PPFIBP2: variants seen among roughly 807,000 people sequenced by gnomAD.
PPFIBP2 encodes the protein liprin-beta-2.
Under a neutral mutation model 118.3 loss-of-function variants are expected in PPFIBP2, and 118 were observed. The observed-to-expected ratio is 1.00, with a 90% confidence interval of 0.86 to 1.16. The LOEUF is 1.16. PPFIBP2 is among the 50% of genes most tolerant of loss of function. PPFIBP2 has a pLI of 0.00. For synonymous variants in PPFIBP2, 414 were observed against 397.4 expected (o/e 1.04, Z -0.50); for missense variants, 1,195 against 1,073.1 (o/e 1.11, Z -1.59).
chr11:7,542,131 TTC>T (rs1402519010), intron 1 of PPFIBP2, among the ~76,000 whole-genome samples: 2 of 152,220 alleles, frequency 1.3e-5, no homozygotes, highest in Non-Finnish European at 2.9e-5. Flanking sequence ...CCAAATGGGT[TTC>T]TGTCTCAGGA....
intron 5 of PPFIBP2, among the ~76,000 whole-genome samples, chr11:7,599,656 A>C (rs1004250562): frequency 7.8e-6 from 1 of 128,056 alleles, no homozygotes. Flanking sequence ...TTTGAGACGG[A>C]GTCTTTCTCA....
Position 7,597,316 on chromosome 11 carries a change from T to C in PPFIBP2, c.373-244T>C, listed in dbSNP as rs1311472519. The C allele has an allele frequency of 3.9e-6, 6 of 1,535,490 alleles. No individual in the cohort carries two copies. In the African/African-American group the frequency reaches 6.8e-5, roughly 18 times the overall value. ...GTTGGGTGTTTTACTCTTGAGTCTA[T>C]CAAGAGCAGTAAACGTGACCCATGT... On this transcript the variant is annotated intron_variant, in intron 4 of 23. Coordinates refer to ENST00000299492, the MANE Select transcript of PPFIBP2 (RefSeq NM_003621.5).
chr11:7,524,055 G>A (rs893515430), intron 1 of PPFIBP2, among the ~76,000 whole-genome samples: 4 of 152,238 alleles, frequency 2.6e-5, no homozygotes, highest in East Asian at 1.9e-4. Context: ...TGCTTCTGGC[G>A]AAAGGTTCAG....
At position 7,651,814 on chromosome 11, in the gene PPFIBP2, C is replaced by T. The variant is rs1214709682; in HGVS notation, c.2406C>T (p.Tyr802=). 2 of 1,613,628 alleles carry T rather than the reference C, an allele frequency of 1.2e-6. No individual in the cohort carries two copies. Among genetic ancestry groups the T allele is most frequent in the Non-Finnish European group, 1.7e-6 (2 of 1,179,600 alleles). Residue 802 remains tyrosine, a synonymous_variant, in exon 23 of 24, where the codon TAC becomes TAT. Coordinates refer to ENST00000299492, the MANE Select transcript of PPFIBP2 (RefSeq NM_003621.5). ...EKREKMASPA[Y]TPLTTTAKVR... is the part of the protein sequence containing the mutation. Reference sequence around the variant, plus strand: ...GAGAGAAAATGGCCTCACCAGCTTACACACCACTGACCACCACAGCCAAAG... The same window carrying T: ...GAGAGAAAATGGCCTCACCAGCTTATACACCACTGACCACCACAGCCAAAG...
intron 1 of PPFIBP2, among the ~76,000 whole-genome samples, chr11:7,541,307 G>A (rs973313383): frequency 4.6e-5 from 7 of 152,298 alleles, no homozygotes; most frequent in East Asian, 3.9e-4. Context: ...GAATGGGGAG[G>A]GCTGTTCGGA....
chr11:7,569,747 C>T (rs2134781520), intron 3 of PPFIBP2, among the ~76,000 whole-genome samples: 1 of 152,282 alleles, frequency 6.6e-6, no homozygotes, highest in East Asian at 1.9e-4. Flanking sequence ...CAGCCAAGCT[C>T]AGGGTCAGTG....
chr11:7,645,035 A>ACG (rs1565117290), intron 17 of PPFIBP2, among the ~76,000 whole-genome samples: 64 of 98,092 alleles, frequency 6.5e-4, no homozygotes, highest in Non-Finnish European at 1.3e-4. Context: ...TCAAAAAAAA[A>ACG]AAAAAAAAAA....
At chr11:7,657,801 G>A (rs1359197791), downstream of PPFIBP2, among the ~76,000 whole-genome samples, 2 of 152,190 alleles carry the variant, frequency 1.3e-5, no homozygotes, top group African/African-American at 4.8e-5. Flanking sequence ...CTCCCACAGT[G>A]CCGTGTCTGC....
intron 1 of PPFIBP2, among the ~76,000 whole-genome samples, chr11:7,525,826 G>C (rs114697869): frequency 0.011 from 1,721 of 152,274 alleles, 26 homozygotes; most frequent in African/African-American, 0.039. Context: ...CATTGGCTGA[G>C]ACTGGCCACA....
intron 2 of PPFIBP2, among the ~76,000 whole-genome samples, chr11:7,563,464 A>G (rs1399831548): frequency 6.6e-6 from 1 of 152,218 alleles, no homozygotes; most frequent in African/African-American, 2.4e-5. Flanking sequence ...ATGGTGATCC[A>G]TGATTCCCTG....
chr11:7,577,823 T>C (rs2134946746), intron 3 of PPFIBP2, among the ~76,000 whole-genome samples: 1 of 152,280 alleles, frequency 6.6e-6, no homozygotes, highest in African/African-American at 2.4e-5. Context: ...GTCAGCTGTC[T>C]TTGTTTCTCC....
intron 1 of PPFIBP2, among the ~76,000 whole-genome samples, chr11:7,546,943 CTGATT>C (rs1852392702): frequency 1.3e-5 from 2 of 152,230 alleles, no homozygotes; most frequent in Admixed American, 6.5e-5. Flanking sequence ...GATACTAGGT[CTGATT>C]TATCAGTATC....
chr11:7,579,600 G>C (rs1024748907), intron 3 of PPFIBP2, among the ~76,000 whole-genome samples: 2 of 152,214 alleles, frequency 1.3e-5, no homozygotes, highest in African/African-American at 2.4e-5. Flanking sequence ...CCTTGTCCCA[G>C]CCCCTGGGGC....
At chr11:7,597,790 G>A in intron 5 of PPFIBP2, 117 bp downstream of exon 5, 2 of 845,078 alleles carry the variant, frequency 2.4e-6, no homozygotes, top group Non-Finnish European at 1.9e-6. Context: ...CTGGGGGCGG[G>A]ATTGGCTGCT....
chr11:7,665,831 G>A, the PPFIBP2 span: 17 of 1,533,854 alleles, frequency 1.1e-5, no homozygotes, highest in East Asian at 2.7e-4. Flanking sequence ...GTATACCGAG[G>A]TGTGTGAATC....
intron 1 of PPFIBP2, among the ~76,000 whole-genome samples, chr11:7,516,066 A>T (rs1372322866): frequency 6.6e-6 from 1 of 152,258 alleles, no homozygotes; most frequent in East Asian, 1.9e-4. Flanking sequence ...GCTATGCCTC[A>T]TAATCGCCTG....
intron 6 of PPFIBP2, among the ~76,000 whole-genome samples, chr11:7,613,846 C>G (rs1016488985): frequency 3.9e-5 from 6 of 152,220 alleles, no homozygotes; most frequent in African/African-American, 1.4e-4. Flanking sequence ...GAGCAGGGAC[C>G]CCAGATATGC....
chr11:7,612,605 A>AT (rs1848196542), intron 6 of PPFIBP2, among the ~76,000 whole-genome samples: 1 of 152,054 alleles, frequency 6.6e-6, no homozygotes. Context: ...TTAAATCTGA[A>AT]TTTTTTGTTT....
chr11:7,576,565 G>C (rs1856352850), intron 3 of PPFIBP2: 1 of 152,508 alleles, frequency 6.6e-6, no homozygotes, highest in Non-Finnish European at 1.5e-5. Context: ...ACTGCTCCCT[G>C]AGTCTCATGG....
Sources: gnomAD v4.1 joint callset for allele counts (sites outside exome capture counted in the v4.1 genomes callset) on GRCh38, gnomAD v4.1.1 for gene constraint, MANE v1.5 for transcripts, NCBI Gene and HGNC (gene_info 2026-07-23, HGNC 2026-07-21) for gene names.